Variants in NDUFB5 observed in about 807,000 individuals in gnomAD.
NDUFB5 encodes NADH:ubiquinone oxidoreductase subunit B5.
In NDUFB5, 19 loss-of-function variants were observed where a neutral mutation model predicts 19.4. The ratio of observed to expected loss-of-function variants is 0.98; its 90% CI spans 0.68 to 1.43. The LOEUF (loss-of-function observed/expected upper bound fraction) is 1.43. NDUFB5 is among the 40% of genes most tolerant of loss of function. The pLI, the probability that NDUFB5 is intolerant of heterozygous loss-of-function variation, is 0.00. For synonymous variants in NDUFB5, 80 were observed against 82.6 expected, an observed-to-expected ratio of 0.97 and a Z score of 0.17; for missense variants, 233 against 236.5, an observed-to-expected ratio of 0.99 and a Z score of 0.10.
chr3:179,626,884 C>G lies in NDUFB5; in HGVS notation c.*2844C>G, dbSNP rs1043432064. On this transcript the variant is annotated 3_prime_UTR_variant, in exon 6 of 6. Transcript: ENST00000259037. ...TTTTGCTATTGAATTGTTTGAGTTC[C>G]TTATATATTCTGGTTATGAATCCCT... 3 of 151,998 alleles carry G rather than the reference C, an allele frequency of 2.0e-5. No individual in the cohort carries two copies. The highest frequency in any genetic ancestry group is 7.3e-5 in the African/African-American group (3 of 41,366). The allele number at this position is 151,998 out of a possible 1,614,324, so 9.4% of individuals were successfully genotyped here.
chr3:179,621,768 A>T (rs1170805591), intron 5 of NDUFB5, among the ~76,000 whole-genome samples: 9 of 152,022 alleles, frequency 5.9e-5, no homozygotes, highest in Non-Finnish European at 1.0e-4. Flanking sequence ...TACGTGAGCC[A>T]CCATACCTGG....
At position 179,623,953 on chromosome 3, in the gene NDUFB5, T is replaced by C. The variant is rs769232615; in HGVS notation, c.483T>C (p.His161=). Reference sequence around the variant, plus strand: ...AGCTGGAAGTGCGAAAATTGATGCATGTGAGAGGAGATGGACCCTGGTATT... The same window carrying C: ...AGCTGGAAGTGCGAAAATTGATGCACGTGAGAGGAGATGGACCCTGGTATT... ...VKELEVRKLM[H]VRGDGPWYYY... Residue 161 remains histidine (H), a synonymous_variant, in exon 6 of 6, where the codon CAT becomes CAC. Transcript: ENST00000259037. The C allele has an allele frequency of 1.9e-6, 3 of 1,613,822 alleles. No homozygotes were observed. The highest frequency in any genetic ancestry group is 1.7e-5 in the Admixed American group (1 of 59,994).
intron 1 of NDUFB5, among the ~76,000 whole-genome samples, chr3:179,610,155 C>G (rs1560023824): frequency 6.6e-6 from 1 of 152,116 alleles, no homozygotes; most frequent in Non-Finnish European, 1.5e-5. Flanking sequence ...TGCAGTGGCG[C>G]AATCATAGCT....
rs745678712 is a variant in NDUFB5, at chr3:179,615,011, T to G, written c.165T>G (p.Phe55Leu). ...GTGGAGACCATGGGAAAAGACTATTTGTCATCAGACCTTCTAGATTCTATG... is the reference window on the plus strand; with the variant it reads ...GTGGAGACCATGGGAAAAGACTATTGGTCATCAGACCTTCTAGATTCTATG... ...RHSGDHGKRL[F>L]VIRPSRFYDR... The change falls in exon 2 of 6, where the codon TTT (phenylalanine) becomes TTG (leucine). Residue 55 changes from phenylalanine (F) to leucine (L), a missense_variant. By Grantham distance (22) the Phe-to-Leu change is conservative. Transcript: ENST00000259037. The G allele has an allele frequency of 1.9e-6, 3 of 1,610,400 alleles. No homozygotes were observed. Among genetic ancestry groups the G allele is most frequent in the Non-Finnish European group, 2.5e-6 (3 of 1,177,520 alleles).
intron 2 of NDUFB5, 59 bp downstream of exon 2, chr3:179,615,118 G>A (rs1719343281): frequency 9.6e-7 from 1 of 1,038,820 alleles, no homozygotes; most frequent in African/African-American, 1.6e-5. Flanking sequence ...AAAAATTTTT[G>A]CCTCTTTAGA....
At chr3:179,616,175 A>G (rs1719372457) in intron 3 of NDUFB5, 126 bp downstream of exon 3, 1 of 699,088 alleles carries the variant, frequency 1.4e-6, no homozygotes, top group Non-Finnish European at 2.4e-6. Context: ...AAGCATAAGC[A>G]TGGCAGTTTA....
intron 4 of NDUFB5, 52 bp downstream of exon 4, chr3:179,617,096 C>T (rs781060923): frequency 7.6e-7 from 1 of 1,312,542 alleles, no homozygotes; most frequent in South Asian, 1.3e-5. Flanking sequence ...TGTCAACGCA[C>T]TAGTTAATGT....
At chr3:179,621,083 C>CT (rs1323219154) in intron 5 of NDUFB5, among the ~76,000 whole-genome samples, 5 of 151,814 alleles carry the variant, frequency 3.3e-5, no homozygotes, top group Non-Finnish European at 5.9e-5. Context: ...TCTTTTCTTT[C>CT]TTCCCCCCGC....
intron 2 of NDUFB5, chr3:179,615,779 A>G: frequency 1.6e-6 from 1 of 606,388 alleles, no homozygotes; most frequent in Admixed American, 2.9e-5. Flanking sequence ...TGATGCTTTT[A>G]GACTTTTGTT....
At chr3:179,614,171 C>G (rs1016483671) in intron 1 of NDUFB5, among the ~76,000 whole-genome samples, 3 of 152,110 alleles carry the variant, frequency 2.0e-5, no homozygotes, top group African/African-American at 7.2e-5. Context: ...CTTGGAATGC[C>G]TCTAGTGATC....
Position 179,624,563 on chromosome 3 carries a change from A to C in NDUFB5, c.*523A>C, listed in dbSNP as rs1719620569. 7.2e-6 allele frequency: 1 copy of C among 138,046 alleles called. No homozygotes were observed. 8.6% of individuals were successfully genotyped at this position (138,046 alleles called of 1,614,324 possible). On this transcript the variant is annotated 3_prime_UTR_variant, in exon 6 of 6. Transcript: ENST00000259037. ...TCTTTTTTAAACTACACACAGACACACAGACACGTACACACACACACACAC... is the reference window on the plus strand; with the variant it reads ...TCTTTTTTAAACTACACACAGACACCCAGACACGTACACACACACACACAC...
intron 1 of NDUFB5, among the ~76,000 whole-genome samples, chr3:179,607,256 A>C (rs1020257020): frequency 6.6e-6 from 1 of 152,216 alleles, no homozygotes; most frequent in Non-Finnish European, 1.5e-5. Flanking sequence ...TGTCACTGTG[A>C]TATGAAAGCT....
At chr3:179,614,282 A>T (rs1719321465) in intron 1 of NDUFB5, among the ~76,000 whole-genome samples, 2 of 152,122 alleles carry the variant, frequency 1.3e-5, no homozygotes, top group African/African-American at 4.8e-5. Context: ...TGTCAGGGGG[A>T]GACTTGAAGA....
At chr3:179,618,328 T>A in intron 4 of NDUFB5, 87 bp from the exon 5 acceptor site, 1 of 789,580 alleles carries the variant, frequency 1.3e-6, no homozygotes, top group Non-Finnish European at 2.1e-6. Flanking sequence ...TTTATCTAAC[T>A]GAAATGATCA....
chr3:179,615,582 A>G lies in NDUFB5; in HGVS notation c.214-401A>G, dbSNP rs770781327. The G allele has an allele frequency of 3.9e-5, 18 of 464,518 alleles. 1 individual carries two copies. The highest frequency in any genetic ancestry group is 2.6e-4 in the South Asian group (17 of 64,620). The allele number at this position is 464,518 out of a possible 1,614,324, so 28.8% of individuals were successfully genotyped here. A position where few individuals can be genotyped will look rare whatever the true frequency, so the allele number is the denominator to read the frequency against. ...CTCTATACGAACAAAGTAGAGGCTT[A>G]GAAAATGGGAGATTGTCTGGACCAT... On this transcript the variant is annotated intron_variant, in intron 2 of 5. Coordinates refer to ENST00000259037, the MANE Select transcript of NDUFB5 (RefSeq NM_002492.4).
chr3:179,606,598 A>G (rs1719109463), intron 1 of NDUFB5, among the ~76,000 whole-genome samples: 1 of 152,200 alleles, frequency 6.6e-6, no homozygotes, highest in Admixed American at 6.5e-5. Context: ...TTGGCCTCCC[A>G]GAGTGCTGAG....
Position 179,605,143 on chromosome 3 carries a change from TA to T in NDUFB5, c.124+208del. Among the ~76,000 whole-genome samples the T allele has an allele frequency of 6.0e-5, 7 of 117,390 alleles. No individual in the cohort carries two copies. In the Admixed American group the frequency reaches 6.1e-4, roughly 10 times the overall value. The allele number at this position is 117,390 out of a possible 152,430, so 77.0% of individuals were successfully genotyped here. A position where few individuals can be genotyped will look rare whatever the true frequency, so the allele number is the denominator to read the frequency against. On this transcript the variant is annotated intron_variant, in intron 1 of 5. Transcript: ENST00000259037. ...ATCGTGTTTACATTATTAGCATTTC[TA>T]AAACGTTGTTATTCACCATCCCAAT...
chr3:179,623,019 T>C (rs1032158408), intron 5 of NDUFB5, among the ~76,000 whole-genome samples: 2 of 152,220 alleles, frequency 1.3e-5, no homozygotes, highest in Admixed American at 1.3e-4. Flanking sequence ...TTTTTCTTAA[T>C]CTTGATTTTT....
intron 5 of NDUFB5, 66 bp downstream of exon 5, chr3:179,618,587 T>A (rs1457620490): frequency 1.9e-6 from 2 of 1,033,694 alleles, no homozygotes; most frequent in Admixed American, 4.2e-5. Flanking sequence ...CCAGAAAAAA[T>A]TAATAAAACT....
Sources: allele counts gnomAD v4.1 joint callset (sites outside exome capture counted in the v4.1 genomes callset), GRCh38; gene constraint gnomAD v4.1.1; transcripts MANE v1.5; gene names NCBI Gene and HGNC (gene_info 2026-07-23, HGNC 2026-07-21).